CYP2B6: variants seen among roughly 807,000 people sequenced by gnomAD.
CYP2B6 encodes cytochrome P450 family 2 subfamily B member 6.
CYP2B6 carries 35 observed loss-of-function variants against 43.4 expected under a neutral mutation model. The observed-to-expected ratio is 0.81, with a 90% confidence interval of 0.62 to 1.07. The LOEUF is 1.07. CYP2B6 is among the 50% of genes least tolerant of loss of function. The probability of loss-of-function intolerance (pLI) is 0.00; values close to 1 mark genes in which losing one functional copy is unlikely to be tolerated. For missense variants in CYP2B6, 624 were observed against 632.8 expected (o/e 0.99, Z 0.15); for synonymous variants, 239 against 239.2 (o/e 1.00, Z 0.01).
chr19:41,002,992 T>C (rs573701792), intron 1 of CYP2B6, among the ~76,000 whole-genome samples: 202 of 152,300 alleles, frequency 1.3e-3, no homozygotes, highest in African/African-American at 4.7e-3. Context: ...TATACTAGTC[T>C]ATTGTGAGAA....
intron 8 of CYP2B6, among the ~76,000 whole-genome samples, chr19:41,016,207 C>T (rs1969359916): frequency 6.6e-6 from 1 of 151,826 alleles, no homozygotes; most frequent in Non-Finnish European, 1.5e-5. Flanking sequence ...GCTAGCCTGG[C>T]CAATATGATG....
chr19:41,001,681 TATTCACGAATCCAATAACA>T (rs1166644497), intron 1 of CYP2B6, among the ~76,000 whole-genome samples: 90 of 152,292 alleles, frequency 5.9e-4, no homozygotes, highest in African/African-American at 2.1e-3. Context: ...CTCATTCATT[TATTCACGAATCCAATAACA>T]ATTCACTGGG....
intron 1 of CYP2B6, among the ~76,000 whole-genome samples, chr19:41,002,994 T>C (rs1969119647): frequency 6.6e-6 from 1 of 152,190 alleles, no homozygotes; most frequent in Non-Finnish European, 1.5e-5. Context: ...TACTAGTCTA[T>C]TGTGAGAACC....
At position 41,017,219 on chromosome 19, in the gene CYP2B6, T is replaced by C. The variant is rs375175182; in HGVS notation, c.*392T>C. ...TACCACGCTTGGCTAATTTTTGTAT[T>C]TTTAGTAGAGATGGGGTTTCACTGT... On this transcript the variant is annotated 3_prime_UTR_variant, in exon 9 of 9. Transcript: ENST00000324071. 6 of 160,652 alleles carry C rather than the reference T, an allele frequency of 3.7e-5. No individual in the cohort carries two copies. The highest frequency in any genetic ancestry group is 1.4e-4 in the African/African-American group (6 of 41,496). The allele number at this position is 160,652 out of a possible 1,614,324, so 10.0% of individuals were successfully genotyped here. A position where few individuals can be genotyped will look rare whatever the true frequency, so the allele number is the denominator to read the frequency against.
In CYP2B6 at chr19:41,007,049, G is replaced by A; in HGVS notation, c.629G>A (p.Ser210Asn). The A allele has an allele frequency of 6.2e-7, 1 of 1,614,130 alleles. No individual in the cohort carries two copies. Among genetic ancestry groups the A allele is most frequent in the Non-Finnish European group, 8.5e-7 (1 of 1,180,036 alleles). ...NLFYQTFSLI[S>N]SVFGQLFELF... ...TTCTACCAGACTTTTTCACTCATCA[G>A]CTCTGTATTCGGCCAGGTCAGGGAG... The change falls in exon 4 of 9, where the codon AGC becomes AAC. Residue 210 changes from serine to asparagine, a missense_variant. Transcript: ENST00000324071.
rs561830421 is a variant in CYP2B6 at position 40,992,201 on chromosome 19, C to CAAAAAAAAAAAAAAAAAAAAAAAAAAAAA, written c.171+745_171+746insAAAAAAAAAAAAAAAAAAAAAAAAAAAAA. Among the ~76,000 whole-genome samples the CAAAAAAAAAAAAAAAAAAAAAAAAAAAAA allele has an allele frequency of 4.5e-4, 28 of 62,576 alleles. 4 individuals are homozygous for CAAAAAAAAAAAAAAAAAAAAAAAAAAAAA. The highest frequency in any genetic ancestry group is 1.5e-3 in the African/African-American group (27 of 18,380). The allele number at this position is 62,576 out of a possible 152,430, so 41.1% of individuals were successfully genotyped here. On this transcript the variant is annotated intron_variant, in intron 1 of 8. Transcript: ENST00000324071. ...TGGGTGACAGAGTGAGACTCCTTCT[C>CAAAAAAAAAAAAAAAAAAAAAAAAAAAAA]AAAAAAAAAAAAAAAAAAAAGAATA...
chr19:41,004,332 C>A lies in CYP2B6; in HGVS notation c.370C>A (p.Leu124Ile). The A allele has an allele frequency of 6.2e-7, 1 of 1,613,952 alleles. No homozygotes were observed. Among genetic ancestry groups the A allele is most frequent in the Non-Finnish European group, 8.5e-7 (1 of 1,180,010 alleles). Reference sequence around the variant, plus strand: ...TGCCAATGGAAACCGCTGGAAGGTGCTTCGGCGATTCTCTGTGACCACTAT... The same window carrying A: ...TGCCAATGGAAACCGCTGGAAGGTGATTCGGCGATTCTCTGTGACCACTAT... ...IFANGNRWKV[L>I]RRFSVTTMRD... Residue 124 changes from leucine (L) to isoleucine (I), a missense_variant, in exon 3 of 9, where the codon CTT becomes ATT. Coordinates refer to ENST00000324071, the MANE Select transcript of CYP2B6 (RefSeq NM_000767.5).
chr19:41,005,652 G>A (rs1001542300), intron 3 of CYP2B6, among the ~76,000 whole-genome samples: 1 of 151,918 alleles, frequency 6.6e-6, no homozygotes, highest in Non-Finnish European at 1.5e-5. Context: ...TTGGTAGCAC[G>A]TGCCTTTAAT....
At chr19:40,997,696 G>T (rs1969018026) in intron 1 of CYP2B6, among the ~76,000 whole-genome samples, 1 of 152,108 alleles carries the variant, frequency 6.6e-6, no homozygotes, top group Non-Finnish European at 1.5e-5. Context: ...AAGGTAATTG[G>T]TCACAGACTC....
At chr19:40,994,210 A>AT (rs1968965599) in intron 1 of CYP2B6, among the ~76,000 whole-genome samples, 1 of 152,142 alleles carries the variant, frequency 6.6e-6, no homozygotes, top group Non-Finnish European at 1.5e-5. Context: ...GGTATTAGGA[A>AT]ACTCTCAGGG....
intron 3 of CYP2B6, among the ~76,000 whole-genome samples, chr19:41,005,327 T>C (rs1212977170): frequency 3.3e-5 from 5 of 152,022 alleles, no homozygotes; most frequent in African/African-American, 1.2e-4. Flanking sequence ...CCATCTCTCT[T>C]ATCAAAATTT....
Position 41,004,720 on chromosome 19 carries a change from G to C in CYP2B6, c.484+274G>C, listed in dbSNP as rs540630272. Among the ~76,000 whole-genome samples the C allele has an allele frequency of 6.6e-5, 10 of 152,206 alleles. No individual in the cohort carries two copies. In the South Asian group the frequency reaches 2.1e-3, roughly 32 times the overall value. Reference sequence around the variant, plus strand: ...GTTACTCAAAGAGGCTGGATGTGATGACTCTCACCTGTAATCCCAGTACTT... The same window carrying C: ...GTTACTCAAAGAGGCTGGATGTGATCACTCTCACCTGTAATCCCAGTACTT... On this transcript the variant is annotated intron_variant, in intron 3 of 8. Transcript: ENST00000324071.
At chr19:41,014,510 T>A (rs527411077) in intron 8 of CYP2B6, among the ~76,000 whole-genome samples, 10 of 152,114 alleles carry the variant, frequency 6.6e-5, no homozygotes, top group Non-Finnish European at 1.5e-4. Context: ...TTTCACCGTG[T>A]TAGCCAGGAT....
chr19:41,012,298 A>G lies in CYP2B6; in HGVS notation c.965A>G (p.Glu322Gly). 2.5e-6 allele frequency: 4 copies of G among 1,613,992 alleles called. No individual in the cohort carries two copies. The highest frequency in any genetic ancestry group is 3.4e-6 in the Non-Finnish European group (4 of 1,179,952). Residue 322 changes from glutamate (E) to glycine (G), a missense_variant and splice_region_variant, in exon 7 of 9, where the codon GAG (glutamate) becomes GGG (glycine). By Grantham distance (98) the Glu-to-Gly change is moderately conservative. Coordinates refer to ENST00000324071, the MANE Select transcript of CYP2B6 (RefSeq NM_000767.5). ...LLMLKYPHVAERVYREIEQVI... is the reference protein window; with the variant it reads ...LLMLKYPHVAGRVYREIEQVI... ...TTCATTGGTCTTCTTTTCTGTACAGAGAGAGTCTACAGGGAGATTGAACAG... is the reference window on the plus strand; with the variant it reads ...TTCATTGGTCTTCTTTTCTGTACAGGGAGAGTCTACAGGGAGATTGAACAG...
At chr19:41,006,844 T>C (rs1310353610) in intron 3 of CYP2B6, 61 bp from the exon 4 acceptor site, 26 of 1,491,604 alleles carry the variant, frequency 1.7e-5, no homozygotes, top group Non-Finnish European at 2.3e-5. Context: ...CAGAGATAGG[T>C]GACAGCCTGA....
intron 1 of CYP2B6, among the ~76,000 whole-genome samples, chr19:40,992,228 A>G (rs1335107080): frequency 2.7e-5 from 4 of 150,722 alleles, no homozygotes; most frequent in Non-Finnish European, 5.9e-5. Flanking sequence ...AAAAGAATAT[A>G]CTCCCAAGTT....
chr19:41,014,221 A>T (rs1969326621), intron 8 of CYP2B6, among the ~76,000 whole-genome samples: 1 of 151,580 alleles, frequency 6.6e-6, no homozygotes, highest in Non-Finnish European at 1.5e-5. Flanking sequence ...CTCCTTCCAC[A>T]TTTTATCTTC....
In CYP2B6 at chr19:41,007,024, T is replaced by C. The variant is rs537265436; in HGVS notation, c.604T>C (p.Phe202Leu). 2.5e-6 allele frequency: 4 copies of C among 1,614,128 alleles called. No homozygotes were observed. Among genetic ancestry groups the C allele is most frequent in the African/African-American group, 1.3e-5 (1 of 74,990 alleles). Residue 202 changes from phenylalanine (F) to leucine (L), a missense_variant, in exon 4 of 9, where the codon TTC (phenylalanine) becomes CTC (leucine). Physicochemically the swap from Phe to Leu is conservative, Grantham distance 22 (BLOSUM62 0). Coordinates refer to ENST00000324071, the MANE Select transcript of CYP2B6 (RefSeq NM_000767.5). Reference protein sequence around the residue: ...DQEFLKMLNLFYQTFSLISSV... With the variant: ...DQEFLKMLNLLYQTFSLISSV... ...AGAGTTCCTGAAGATGCTGAACTTG[T>C]TCTACCAGACTTTTTCACTCATCAG...
At chr19:41,005,103 A>C (rs1307620839) in intron 3 of CYP2B6, among the ~76,000 whole-genome samples, 1 of 152,178 alleles carries the variant, frequency 6.6e-6, no homozygotes, top group African/African-American at 2.4e-5. Flanking sequence ...GACATTTAAC[A>C]AATAATGAAC....
Sources: allele counts gnomAD v4.1 joint callset (sites outside exome capture counted in the v4.1 genomes callset), GRCh38; gene constraint gnomAD v4.1.1; transcripts MANE v1.5; gene names NCBI Gene and HGNC (gene_info 2026-07-23, HGNC 2026-07-21).